USP13: variants seen among roughly 807,000 people sequenced by gnomAD.
The protein encoded by USP13 is ubiquitin specific peptidase 13.
In USP13, 68 loss-of-function variants were observed where a neutral mutation model predicts 107.8. The observed-to-expected ratio is 0.63, with a 90% confidence interval of 0.52 to 0.77. The LOEUF (loss-of-function observed/expected upper bound fraction) is 0.77, where lower values mean the gene tolerates loss of function less well. Among genes scored for constraint, USP13 ranks in the 30% least tolerant of loss-of-function variants. The pLI is 0.00. For missense variants in USP13, 945 were observed against 1,093.3 expected (o/e 0.86, Z 1.91); for synonymous variants, 377 against 389.5 (o/e 0.97, Z 0.38).
Position 179,742,799 on chromosome 3 carries a change from C to T in USP13, c.1534+449C>T, listed in dbSNP as rs994553229. Among the ~76,000 whole-genome samples the T allele has an allele frequency of 6.6e-6, 1 of 152,132 alleles. No homozygotes were observed. The highest frequency in any genetic ancestry group is 1.5e-5 in the Non-Finnish European group (1 of 68,026). On this transcript the variant is annotated intron_variant, in intron 12 of 20. Coordinates refer to ENST00000263966, the MANE Select transcript of USP13 (RefSeq NM_003940.3). This position sits in a 1 kb window ranked among gnomAD's most constrained non-coding sequence, Gnocchi z 5.0. ...TTTGGCACATGAGTATTTGAGCCAC[C>T]TCTTCTGGGAGATAAATTGTGTCAG...
chr3:179,752,441 A>C, intron 14 of USP13, 68 bp downstream of exon 14: 7 of 1,218,270 alleles, frequency 5.7e-6, no homozygotes, highest in Non-Finnish European at 8.5e-6. Flanking sequence ...GGCATGTGAA[A>C]GAGCCCATGT....
At chr3:179,766,345 A>G (rs1360498451) in intron 19 of USP13, among the ~76,000 whole-genome samples, 2 of 152,182 alleles carry the variant, frequency 1.3e-5, no homozygotes, top group South Asian at 2.1e-4. Context: ...TGATAAAGTC[A>G]TGTCAGAATC....
At chr3:179,778,153 A>G (rs772766934) in intron 19 of USP13, among the ~76,000 whole-genome samples, 5 of 152,060 alleles carry the variant, frequency 3.3e-5, no homozygotes, top group Non-Finnish European at 7.4e-5. Context: ...GGGAAAGGCA[A>G]TCTTCTCGGA....
chr3:179,745,337 G>T (rs1714365077), intron 13 of USP13, 120 bp downstream of exon 13: 2 of 1,267,742 alleles, frequency 1.6e-6, no homozygotes, highest in African/African-American at 3.0e-5. Context: ...ATGTGTGATG[G>T]ATGGGATTAT....
intron 8 of USP13, among the ~76,000 whole-genome samples, chr3:179,722,183 A>G (rs1713349015): frequency 6.6e-6 from 1 of 152,182 alleles, no homozygotes; most frequent in Non-Finnish European, 1.5e-5. Flanking sequence ...TTAATCATTA[A>G]TCTTCACAGC....
In USP13 at chr3:179,690,370, A is replaced by G. The variant is rs979887098; in HGVS notation, c.355+69A>G. Reference sequence around the variant, plus strand: ...TGTGTATATGTGCATACTCATGTGCATCTTTGATTTAGAGTAATAGGTTGT... The same window carrying G: ...TGTGTATATGTGCATACTCATGTGCGTCTTTGATTTAGAGTAATAGGTTGT... On this transcript the variant is annotated intron_variant, in intron 3 of 20. Coordinates refer to ENST00000263966, the MANE Select transcript of USP13 (RefSeq NM_003940.3). 4.5e-5 allele frequency: 62 copies of G among 1,372,746 alleles called. No homozygotes were observed. In the South Asian group the frequency reaches 5.7e-4, roughly 13 times the overall value. The allele number at this position is 1,372,746 out of a possible 1,614,324, so 85.0% of individuals were successfully genotyped here.
chr3:179,653,683 A>G lies in USP13; in HGVS notation c.168+290A>G, dbSNP rs898745315. The G allele has an allele frequency of 1.2e-5, 5 of 400,438 alleles. 1 individual carries two copies. The highest frequency in any genetic ancestry group is 2.3e-5 in the Non-Finnish European group (5 of 219,526). The allele number at this position is 400,438 out of a possible 1,614,324, so 24.8% of individuals were successfully genotyped here. On this transcript the variant is annotated intron_variant, in intron 1 of 20. Coordinates refer to ENST00000263966, the MANE Select transcript of USP13 (RefSeq NM_003940.3). The surrounding 1 kb of genome is among the most constrained non-coding windows in gnomAD (Gnocchi z 4.0). ...GCCGTTTAAAGATAGATGAAATACAAGAGTTCCCTGTTCCGAACTGCACGT... is the reference window on the plus strand; with the variant it reads ...GCCGTTTAAAGATAGATGAAATACAGGAGTTCCCTGTTCCGAACTGCACGT...
rs534902669 is a variant in USP13 at position 179,789,079 on chromosome 3, A to C, written c.*4938A>C. ...GTGTTGGGCATATTTGTTTCATTGT[A>C]GGCAAAATCCTCTTGTGGTTTCCCC... On this transcript the variant is annotated 3_prime_UTR_variant, in exon 21 of 21. Transcript: ENST00000263966. 6.6e-6 allele frequency: 1 copy of C among 152,296 alleles called. No homozygotes were observed. Among genetic ancestry groups the C allele is most frequent in the East Asian group, 1.9e-4 (1 of 5,184 alleles). 9.4% of individuals were successfully genotyped at this position (152,296 alleles called of 1,614,324 possible). A position where few individuals can be genotyped will look rare whatever the true frequency, so the allele number is the denominator to read the frequency against.
chr3:179,755,084 G>C (rs1714742923), intron 15 of USP13, among the ~76,000 whole-genome samples: 2 of 151,674 alleles, frequency 1.3e-5, no homozygotes, highest in South Asian at 4.2e-4. Flanking sequence ...GAAATGGACA[G>C]TTTTTTTTTG....
intron 1 of USP13, among the ~76,000 whole-genome samples, chr3:179,670,854 T>C (rs182040021): frequency 6.6e-5 from 10 of 152,048 alleles, no homozygotes; most frequent in Non-Finnish European, 1.3e-4. Flanking sequence ...TGTGCCACCA[T>C]GCCTGGCTAA....
intron 10 of USP13, among the ~76,000 whole-genome samples, chr3:179,731,896 T>G (rs1238029831): frequency 6.6e-6 from 1 of 152,172 alleles, no homozygotes; most frequent in African/African-American, 2.4e-5. Context: ...CAGTCCTTCT[T>G]AGCCAATACC....
In USP13 at chr3:179,653,167, G is replaced by T; in HGVS notation, c.-59G>T. The T allele has an allele frequency of 1.8e-6, 2 of 1,128,436 alleles. No homozygotes were observed. Among genetic ancestry groups the T allele is most frequent in the Non-Finnish European group, 2.2e-6 (2 of 920,500 alleles). 69.9% of individuals were successfully genotyped at this position (1,128,436 alleles called of 1,614,324 possible). On this transcript the variant is annotated 5_prime_UTR_variant, in exon 1 of 21. Coordinates refer to ENST00000263966, the MANE Select transcript of USP13 (RefSeq NM_003940.3). This position sits in a 1 kb window ranked among gnomAD's most constrained non-coding sequence, Gnocchi z 4.0. ...CCCGCTCGCTGGCGCCGCCGCCGCC[G>T]GCAGACCCCGCGCTCCGGCTCCGGC... is the stretch of plus-strand genomic sequence containing the variant.
chr3:179,744,001 C>A (rs1278449011), intron 12 of USP13, among the ~76,000 whole-genome samples: 1 of 139,970 alleles, frequency 7.1e-6, no homozygotes, highest in Non-Finnish European at 1.5e-5. Flanking sequence ...AAAATTTTGA[C>A]TACAGGCTAG....
Position 179,735,998 on chromosome 3 carries a change from C to T in USP13, c.1255-4249C>T, listed in dbSNP as rs78123801. 4.1e-4 allele frequency among the ~76,000 whole-genome samples: 63 copies of T among 152,264 alleles called. 2 individuals are homozygous for T. The East Asian group carries it at 0.011, about 27-fold the overall frequency. ...GAGGATGCAGTGAGCTGTGATTGCACCATTGCCATCCAGCCTGGGCAACAG... is the reference window on the plus strand; with the variant it reads ...GAGGATGCAGTGAGCTGTGATTGCATCATTGCCATCCAGCCTGGGCAACAG... On this transcript the variant is annotated intron_variant, in intron 10 of 20. Coordinates refer to ENST00000263966, the MANE Select transcript of USP13 (RefSeq NM_003940.3).
At chr3:179,693,317 T>TA (rs1195305201) in intron 3 of USP13, among the ~76,000 whole-genome samples, 1 of 151,976 alleles carries the variant, frequency 6.6e-6, no homozygotes, top group South Asian at 2.1e-4. Flanking sequence ...CATGGTTAAT[T>TA]AAAAAAAATT....
In USP13 at chr3:179,653,076, G is replaced by A; in HGVS notation, c.-150G>A. On this transcript the variant is annotated 5_prime_UTR_variant, in exon 1 of 21. Coordinates refer to ENST00000263966, the MANE Select transcript of USP13 (RefSeq NM_003940.3). This position sits in a 1 kb window ranked among gnomAD's most constrained non-coding sequence, Gnocchi z 4.0. ...AGCCCGCGGTGCCCGCTCCCGCCCC[G>A]CAGCCCGCTCTCCCCGCCCGCCCCG... 1 of 627,202 alleles carries A rather than the reference G, an allele frequency of 1.6e-6. No homozygotes were observed. Among genetic ancestry groups the A allele is most frequent in the Non-Finnish European group, 2.0e-6 (1 of 503,990 alleles). 38.9% of individuals were successfully genotyped at this position (627,202 alleles called of 1,614,324 possible). A position where few individuals can be genotyped will look rare whatever the true frequency, so the allele number is the denominator to read the frequency against.
At chr3:179,759,163 A>AGTAGAGAT (rs1678705642) in intron 16 of USP13, among the ~76,000 whole-genome samples, 1 of 151,784 alleles carries the variant, frequency 6.6e-6, no homozygotes, top group Non-Finnish European at 1.5e-5. Context: ...TTGTATTTTT[A>AGTAGAGAT]GTAGAGATGG....
At chr3:179,718,109 G>A (rs958726383) in intron 6 of USP13, among the ~76,000 whole-genome samples, 4 of 152,032 alleles carry the variant, frequency 2.6e-5, no homozygotes, top group African/African-American at 4.8e-5. Context: ...GTCCCTAAGA[G>A]TGATATCTTC....
intron 14 of USP13, 31 bp downstream of exon 14, chr3:179,752,404 A>T: frequency 6.5e-7 from 1 of 1,527,502 alleles, no homozygotes; most frequent in Non-Finnish European, 9.1e-7. Context: ...TTTGCTTAAA[A>T]CATCAAATGA....
Sources: gnomAD v4.1 joint callset for allele counts (sites outside exome capture counted in the v4.1 genomes callset) on GRCh38, gnomAD v4.1.1 for gene constraint, Gnocchi (gnomAD v3.1) non-coding constraint, MANE v1.5 for transcripts, NCBI Gene and HGNC (gene_info 2026-07-23, HGNC 2026-07-21) for gene names.